Variants in WWOX observed in about 807,000 individuals in gnomAD.
WWOX encodes the protein WW domain containing oxidoreductase.
In WWOX, 69 loss-of-function variants were observed where a neutral mutation model predicts 46.2. That is an observed-to-expected ratio of 1.49 (90% CI 1.23 to 1.82). The LOEUF (loss-of-function observed/expected upper bound fraction) is 1.82. WWOX is among the 40% of genes most tolerant of loss of function. The pLI, the probability that WWOX is intolerant of heterozygous loss-of-function variation, is 0.00. For synonymous variants in WWOX, 359 were observed against 202.6 expected, an observed-to-expected ratio of 1.77 and a Z score of -6.56; for missense variants, 919 against 542.6, an observed-to-expected ratio of 1.69 and a Z score of -6.89.
Position 78,334,961 on chromosome 16 carries a change from G to A in WWOX, c.517-51899G>A, listed in dbSNP as rs144633628. On this transcript the variant is annotated intron_variant, in intron 5 of 8. Coordinates refer to ENST00000566780, the MANE Select transcript of WWOX (RefSeq NM_016373.4). Reference sequence around the variant, plus strand: ...AAAGGCAGCAAAATGTGAGATGGGCGTTTATTATGAGATACACGAAGACAG... The same window carrying A: ...AAAGGCAGCAAAATGTGAGATGGGCATTTATTATGAGATACACGAAGACAG... Among the ~76,000 whole-genome samples, 279 of 150,778 alleles carry A rather than the reference G, an allele frequency of 1.9e-3. 3 individuals are homozygous for A. Among genetic ancestry groups the A allele is most frequent in the East Asian group, 8.5e-3 (44 of 5,152 alleles).
At chr16:78,891,437 A>C (rs1380030350) in intron 8 of WWOX, 2 of 152,228 alleles carry the variant, frequency 1.3e-5, no homozygotes, top group Non-Finnish European at 2.9e-5. Context: ...AAAAGTAATT[A>C]GCATAAGACC....
At chr16:78,398,254 G>A (rs1011642737) in intron 6 of WWOX, among the ~76,000 whole-genome samples, 2 of 152,122 alleles carry the variant, frequency 1.3e-5, no homozygotes, top group African/African-American at 4.8e-5. Context: ...CCAGGCCTCT[G>A]GGATCTGATC....
chr16:78,251,913 A>C (rs892962969), intron 5 of WWOX, among the ~76,000 whole-genome samples: 1 of 152,214 alleles, frequency 6.6e-6, no homozygotes, highest in Non-Finnish European at 1.5e-5. Context: ...CTCCATTAGC[A>C]TGGTTAATTA....
chr16:78,832,887 C>G (rs911193219), intron 8 of WWOX, among the ~76,000 whole-genome samples: 1 of 152,192 alleles, frequency 6.6e-6, no homozygotes, highest in African/African-American at 2.4e-5. Context: ...TGAGCTCATG[C>G]AGTTCTATTT....
intron 8 of WWOX, among the ~76,000 whole-genome samples, chr16:79,145,554 G>C (rs901165176): frequency 6.6e-6 from 1 of 152,082 alleles, no homozygotes; most frequent in Non-Finnish European, 1.5e-5. Flanking sequence ...ATTAGAATCA[G>C]AAACTAGACA....
intron 8 of WWOX, among the ~76,000 whole-genome samples, chr16:79,211,034 A>AGTGTGTGTGT (rs58334968): frequency 0.11 from 16,079 of 149,516 alleles, 1,048 homozygotes; most frequent in Admixed American, 0.21. Context: ...TATGGTGAGG[A>AGTGTGTGTGT]GTGTGTGTGT....
intron 5 of WWOX, among the ~76,000 whole-genome samples, chr16:78,170,133 C>G (rs889063630): frequency 6.6e-6 from 1 of 152,068 alleles, no homozygotes; most frequent in Admixed American, 6.6e-5. Context: ...TTTGTGGCAA[C>G]CAAAATGTCT....
At chr16:78,864,977 G>A (rs1320183005) in intron 8 of WWOX, among the ~76,000 whole-genome samples, 3 of 151,680 alleles carry the variant, frequency 2.0e-5, no homozygotes, top group African/African-American at 7.3e-5. Context: ...TGGCCAGGCT[G>A]GTCTTGAACT....
intron 5 of WWOX, among the ~76,000 whole-genome samples, chr16:78,200,107 C>G (rs1162822274): frequency 6.6e-6 from 1 of 152,120 alleles, no homozygotes; most frequent in Non-Finnish European, 1.5e-5. Context: ...TTTTAAGTTA[C>G]TGAGTGTCGC....
intron 8 of WWOX, among the ~76,000 whole-genome samples, chr16:78,758,281 A>C (rs2049706550): frequency 6.6e-6 from 1 of 152,238 alleles, no homozygotes; most frequent in Admixed American, 6.5e-5. Context: ...CTCTAAGCCC[A>C]ATGCTTGTGT....
intron 8 of WWOX, among the ~76,000 whole-genome samples, chr16:78,725,057 G>C (rs2048792503): frequency 1.3e-5 from 2 of 152,036 alleles, no homozygotes; most frequent in Admixed American, 1.3e-4. Flanking sequence ...GTTGTGGGAG[G>C]GACCGGGTGG....
Position 78,115,031 on chromosome 16 carries a change from G to A in WWOX, c.286G>A (p.Asp96Asn), listed in dbSNP as rs1461547362. The A allele has an allele frequency of 1.2e-6, 2 of 1,614,206 alleles. No individual in the cohort carries two copies. The stretch of plus-strand genomic sequence containing the variant: ...CCCAAGACTGGCGTTTACTGTGGAT[G>A]ATAATCCGACCAAGCCAACCACCCG... ...LDPRLAFTVD[D>N]NPTKPTTRQR... Residue 96 changes from aspartate to asparagine, a missense_variant, in exon 4 of 9, where the codon GAT becomes AAT. Asp to Asn is a conservative substitution (Grantham distance 23). Transcript: ENST00000566780.
intron 5 of WWOX, among the ~76,000 whole-genome samples, chr16:78,268,156 A>T (rs1288435187): frequency 2.0e-5 from 3 of 152,132 alleles, no homozygotes; most frequent in Non-Finnish European, 2.9e-5. Context: ...CACCTTTCCC[A>T]TGGTGGGACC....
intron 5 of WWOX, among the ~76,000 whole-genome samples, chr16:78,357,662 T>G (rs1393087746): frequency 6.6e-6 from 1 of 152,198 alleles, no homozygotes; most frequent in Non-Finnish European, 1.5e-5. Context: ...GGATTATCAT[T>G]GTTAGGATGG....
chr16:78,929,702 C>T (rs1410490119), intron 8 of WWOX, among the ~76,000 whole-genome samples: 1 of 152,070 alleles, frequency 6.6e-6, no homozygotes, highest in African/African-American at 2.4e-5. Context: ...GGAAAGATTT[C>T]AGGAAGAGCG....
chr16:79,188,913 C>G lies in WWOX; in HGVS notation c.1057-22695C>G, dbSNP rs186167239. The stretch of plus-strand genomic sequence containing the variant: ...GTGTGAGCAGCTGAGCTAACATGCA[C>G]CAGAGGGAAAATATTACTTCTCATA... On this transcript the variant is annotated intron_variant, in intron 8 of 8. Transcript: ENST00000566780. Among the ~76,000 whole-genome samples the G allele has an allele frequency of 2.4e-4, 36 of 152,198 alleles. No individual in the cohort carries two copies. The East Asian group carries it at 6.4e-3, about 27-fold the overall frequency.
At chr16:78,158,711 A>G (rs2034685153) in intron 4 of WWOX, among the ~76,000 whole-genome samples, 1 of 151,992 alleles carries the variant, frequency 6.6e-6, no homozygotes, top group Non-Finnish European at 1.5e-5. Flanking sequence ...TTTATTTTTC[A>G]TTTTTAAAAA....
intron 8 of WWOX, among the ~76,000 whole-genome samples, chr16:79,162,901 T>A (rs2050515114): frequency 6.6e-6 from 1 of 152,236 alleles, no homozygotes; most frequent in Non-Finnish European, 1.5e-5. Flanking sequence ...CCTGTTGCTC[T>A]GTAATTCATC....
intron 8 of WWOX, among the ~76,000 whole-genome samples, chr16:79,006,805 A>G (rs553292533): frequency 3.3e-5 from 5 of 152,228 alleles, no homozygotes; most frequent in Admixed American, 2.6e-4. Flanking sequence ...TTCAAAGCCA[A>G]CAGCACCTGG....
Sources: allele counts gnomAD v4.1 joint callset (sites outside exome capture counted in the v4.1 genomes callset), GRCh38; gene constraint gnomAD v4.1.1; transcripts MANE v1.5; gene names NCBI Gene and HGNC (gene_info 2026-07-23, HGNC 2026-07-21).